KCTD20: variants seen among roughly 807,000 people sequenced by gnomAD.
KCTD20 encodes the protein potassium channel tetramerization domain containing 20.
Under a neutral mutation model 39.6 loss-of-function variants are expected in KCTD20, and 30 were observed. The observed-to-expected ratio is 0.76, with a 90% CI of 0.57 to 1.03. KCTD20 has a LOEUF of 1.03. Ranked by LOEUF, KCTD20 falls within the 50% of genes least tolerant of loss-of-function variation. The pLI, the probability that KCTD20 is intolerant of heterozygous loss-of-function variation, is 0.00. For missense variants in KCTD20, 422 were observed against 522.0 expected, an observed-to-expected ratio of 0.81 and a Z score of 1.87; for synonymous variants, 162 against 180.6, an observed-to-expected ratio of 0.90 and a Z score of 0.83.
At chr6:36,476,979 T>C (rs1776082392) in intron 3 of KCTD20, among the ~76,000 whole-genome samples, 2 of 152,196 alleles carry the variant, frequency 1.3e-5, no homozygotes, top group Admixed American at 6.5e-5. Flanking sequence ...GCAAATGTTT[T>C]CTGGGTAACA....
chr6:36,467,303 C>T (rs571390413), intron 1 of KCTD20, among the ~76,000 whole-genome samples: 3 of 127,366 alleles, frequency 2.4e-5, no homozygotes, highest in South Asian at 2.7e-4. Flanking sequence ...TGAAAGACTC[C>T]GAAAATCCTT....
intron 3 of KCTD20, among the ~76,000 whole-genome samples, chr6:36,478,536 G>T (rs1005503359): frequency 6.6e-6 from 1 of 152,052 alleles, no homozygotes; most frequent in Non-Finnish European, 1.5e-5. Context: ...ATTATTCTTT[G>T]TATTGAGTAA....
intron 1 of KCTD20, chr6:36,443,819 T>C (rs1394522812): frequency 6.6e-6 from 1 of 152,232 alleles, no homozygotes; most frequent in Non-Finnish European, 1.5e-5. Flanking sequence ...GTTGAAGAGA[T>C]TTATTTTTAA....
At chr6:36,483,246 C>CA (rs1378160818) in intron 6 of KCTD20, among the ~76,000 whole-genome samples, 2 of 148,164 alleles carry the variant, frequency 1.3e-5, no homozygotes, top group African/African-American at 5.0e-5. Flanking sequence ...ACCCCCTCAC[C>CA]AAAACAGTGG....
chr6:36,487,349 G>A lies in KCTD20; in HGVS notation c.*174G>A, dbSNP rs554876555. The A allele has an allele frequency of 1.1e-5, 7 of 646,538 alleles. No individual in the cohort carries two copies. The highest frequency in any genetic ancestry group is 1.8e-5 in the Non-Finnish European group (7 of 385,570). The allele number at this position is 646,538 out of a possible 1,614,324, so 40.1% of individuals were successfully genotyped here. ...CAGTAAGTCCATGCCTCTGGCAGGG[G>A]ATGAAGAAGTACTCACTGGTAATTA... On this transcript the variant is annotated 3_prime_UTR_variant, in exon 8 of 8. Coordinates refer to ENST00000373731, the MANE Select transcript of KCTD20 (RefSeq NM_173562.5).
intron 1 of KCTD20, among the ~76,000 whole-genome samples, chr6:36,468,576 G>C (rs148500821): frequency 6.6e-6 from 1 of 152,280 alleles, no homozygotes; most frequent in Non-Finnish European, 1.5e-5. Flanking sequence ...CATGGACCTT[G>C]TTCTTTATCT....
Position 36,452,999 on chromosome 6 carries a change from CTTTTTTTTTTTTTTT to C in KCTD20, c.-47+9899_-47+9913del, listed in dbSNP as rs59865602. 3.4e-3 allele frequency among the ~76,000 whole-genome samples: 199 copies of C among 58,178 alleles called. 4 individuals are homozygous for C. Among genetic ancestry groups the C allele is most frequent in the African/African-American group, 0.014 (193 of 14,232 alleles). The allele number at this position is 58,178 out of a possible 152,430, so 38.2% of individuals were successfully genotyped here. A position where few individuals can be genotyped will look rare whatever the true frequency, so the allele number is the denominator to read the frequency against. Reference sequence around the variant, plus strand: ...TTTTAGGGCTTATCAGTTTTCTTAGCTTTTTTTTTTTTTTTTTTTTTTTTTGGATACAGGGTCTCA... The same window carrying C: ...TTTTAGGGCTTATCAGTTTTCTTAGCTTTTTTTTTTGGATACAGGGTCTCA... On this transcript the variant is annotated intron_variant, in intron 1 of 7. Transcript: ENST00000373731.
intron 3 of KCTD20, among the ~76,000 whole-genome samples, chr6:36,476,136 TA>T (rs1458933219): frequency 6.6e-6 from 1 of 152,042 alleles, no homozygotes; most frequent in East Asian, 1.9e-4. Flanking sequence ...GGGCTAGGAG[TA>T]AAGAGATTGT....
At chr6:36,481,417 G>C in intron 5 of KCTD20, 145 bp from the exon 6 acceptor site, 1 of 646,426 alleles carries the variant, frequency 1.5e-6, no homozygotes, top group Non-Finnish European at 2.8e-6. Context: ...TATCACCCTG[G>C]AGCAGGAAAC....
intron 1 of KCTD20, among the ~76,000 whole-genome samples, chr6:36,463,130 T>A (rs2127438767): frequency 1.3e-5 from 2 of 152,334 alleles, no homozygotes; most frequent in Middle Eastern, 3.4e-3. Flanking sequence ...CACTCTAGCC[T>A]GATTGGTTTA....
At chr6:36,465,376 A>AT (rs1670061593) in intron 1 of KCTD20, among the ~76,000 whole-genome samples, 2 of 147,412 alleles carry the variant, frequency 1.4e-5, no homozygotes, top group Admixed American at 6.7e-5. Context: ...CATTCCAATT[A>AT]GTTTTTTTTT....
intron 1 of KCTD20, among the ~76,000 whole-genome samples, chr6:36,461,939 T>G (rs1040873321): frequency 1.9e-4 from 29 of 152,200 alleles, no homozygotes; most frequent in African/African-American, 6.8e-4. Flanking sequence ...TTGTAATGCC[T>G]TCTTCTCTCC....
chr6:36,478,939 G>C (rs1487641915), intron 3 of KCTD20, among the ~76,000 whole-genome samples, 182 bp from the exon 4 acceptor site: 1 of 151,980 alleles, frequency 6.6e-6, no homozygotes, highest in Non-Finnish European at 1.5e-5. Context: ...TTTTTTTCCT[G>C]TCTGAAGGGA....
chr6:36,459,248 T>C (rs1476247745), intron 1 of KCTD20, among the ~76,000 whole-genome samples: 2 of 151,956 alleles, frequency 1.3e-5, no homozygotes, highest in Non-Finnish European at 2.9e-5. Flanking sequence ...GAGGCAGAGG[T>C]TGTAGTGAGC....
At chr6:36,465,695 C>T (rs1387357442) in intron 1 of KCTD20, 1 of 152,002 alleles carries the variant, frequency 6.6e-6, no homozygotes, top group Admixed American at 6.6e-5. Context: ...TTTTGCTGTT[C>T]CAGGTCAGTA....
At chr6:36,455,594 AGTGTGTGT>A (rs71737281) in intron 1 of KCTD20, among the ~76,000 whole-genome samples, 2 of 150,370 alleles carry the variant, frequency 1.3e-5, no homozygotes, top group Non-Finnish European at 3.0e-5. Flanking sequence ...TAGAACCAGT[AGTGTGTGT>A]GTGTGTGTGT....
chr6:36,455,435 C>T (rs1170643551), intron 1 of KCTD20, among the ~76,000 whole-genome samples: 1 of 152,132 alleles, frequency 6.6e-6, no homozygotes, highest in Non-Finnish European at 1.5e-5. Context: ...AACAAAAAAA[C>T]TTCTCAACTT....
At chr6:36,451,982 T>A (rs567114154) in intron 1 of KCTD20, among the ~76,000 whole-genome samples, 1 of 152,274 alleles carries the variant, frequency 6.6e-6, no homozygotes, top group Admixed American at 6.5e-5. Flanking sequence ...AGCTAATTTT[T>A]GTATTTTTAG....
rs1383589275 is a variant in KCTD20 at position 36,488,567 on chromosome 6, A to T, written c.*1392A>T. On this transcript the variant is annotated 3_prime_UTR_variant, in exon 8 of 8. Transcript: ENST00000373731. ...TCTTATCCAAAATGCTAGGGACCAG[A>T]AAGGTTTCAGATTTTTTCAGATTTT... The T allele has an allele frequency of 6.6e-6, 1 of 152,216 alleles. No homozygotes were observed. Among genetic ancestry groups the T allele is most frequent in the African/African-American group, 2.4e-5 (1 of 41,470 alleles). The allele number at this position is 152,216 out of a possible 1,614,324, so 9.4% of individuals were successfully genotyped here. A position where few individuals can be genotyped will look rare whatever the true frequency, so the allele number is the denominator to read the frequency against.
Sources: gnomAD v4.1 joint callset for allele counts (sites outside exome capture counted in the v4.1 genomes callset) on GRCh38, gnomAD v4.1.1 for gene constraint, MANE v1.5 for transcripts, NCBI Gene and HGNC (gene_info 2026-07-23, HGNC 2026-07-21) for gene names.